MEI4: variants seen among roughly 807,000 people sequenced by gnomAD.
MEI4 encodes the protein meiotic double-stranded break formation protein 4.
A neutral mutation model predicts 31.4 loss-of-function variants in MEI4; 27 were observed. The observed-to-expected ratio is 0.86, with a 90% CI of 0.63 to 1.19. The LOEUF is 1.19. Ranked by LOEUF, MEI4 falls within the 50% of genes most tolerant of loss-of-function variation. The pLI is 0.00. For synonymous variants in MEI4, 122 were observed against 145.4 expected (o/e 0.84, Z 1.16); for missense variants, 329 against 398.9 (o/e 0.82, Z 1.49).
intron 4 of MEI4, among the ~76,000 whole-genome samples, chr6:77,839,851 T>C (rs1020079016): frequency 2.6e-5 from 4 of 152,202 alleles, no homozygotes; most frequent in African/African-American, 9.6e-5. Context: ...TAATTCTTAG[T>C]ATTTCTAGGA....
intron 3 of MEI4, among the ~76,000 whole-genome samples, chr6:77,805,122 G>A (rs1016873986): frequency 6.6e-6 from 1 of 152,046 alleles, no homozygotes; most frequent in South Asian, 2.1e-4. Flanking sequence ...TTATTTTATT[G>A]TAGAGAAAAA....
In MEI4 at chr6:77,710,398, T is replaced by G. The variant is rs187285464; in HGVS notation, c.232+19495T>G. 2.0e-5 allele frequency among the ~76,000 whole-genome samples: 3 copies of G among 151,828 alleles called. No homozygotes were observed. The East Asian group carries it at 5.9e-4, about 30-fold the overall frequency. ...TTAGCTGGGTGTGGTGGTGCGCACC[T>G]GTAGTCCCAGCTACTTGGGAGGCTG... On this transcript the variant is annotated intron_variant, in intron 2 of 4. Transcript: ENST00000684080.
At chr6:77,900,213 C>A (rs767316579) in intron 4 of MEI4, among the ~76,000 whole-genome samples, 10 of 151,864 alleles carry the variant, frequency 6.6e-5, no homozygotes, top group Admixed American at 1.3e-4. Context: ...ATTAGTACAT[C>A]CAAATTCATA....
chr6:77,746,638 CGTGTGTGTGTGTGTGTGTGTGTGT>C (rs5877568), intron 2 of MEI4, among the ~76,000 whole-genome samples: 9 of 136,544 alleles, frequency 6.6e-5, no homozygotes, highest in African/African-American at 1.0e-4. Context: ...AAATATATGG[CGTGTGTGTGTGTGTGTGTGTGTGT>C]GTGTGTGTGT....
intron 2 of MEI4, among the ~76,000 whole-genome samples, chr6:77,695,741 A>G (rs888472639): frequency 9.9e-5 from 15 of 152,180 alleles, no homozygotes; most frequent in African/African-American, 3.6e-4. Context: ...TGACTTGGCA[A>G]TGCGGGCTCT....
chr6:77,867,830 A>G (rs1228628373), intron 4 of MEI4, among the ~76,000 whole-genome samples: 1 of 152,220 alleles, frequency 6.6e-6, no homozygotes, highest in Non-Finnish European at 1.5e-5. Context: ...ATGTACAACA[A>G]TGATAGACTG....
At chr6:77,901,544 C>T (rs539905999) in intron 4 of MEI4, among the ~76,000 whole-genome samples, 21 of 152,146 alleles carry the variant, frequency 1.4e-4, no homozygotes, top group African/African-American at 5.1e-4. Flanking sequence ...GTCCTTTGCC[C>T]ATTTTTAATC....
At chr6:77,740,905 G>A (rs1215207281) in intron 2 of MEI4, among the ~76,000 whole-genome samples, 2 of 152,082 alleles carry the variant, frequency 1.3e-5, no homozygotes, top group African/African-American at 4.8e-5. Flanking sequence ...TAAACTCTGT[G>A]TCTACCCTGA....
intron 4 of MEI4, among the ~76,000 whole-genome samples, chr6:77,916,875 C>T (rs1019543403): frequency 1.9e-4 from 29 of 151,590 alleles, no homozygotes; most frequent in Admixed American, 1.1e-3. Flanking sequence ...CCCACTAACT[C>T]GTCATCTAGC....
chr6:77,917,771 AT>A (rs1462537835), intron 4 of MEI4, among the ~76,000 whole-genome samples: 1 of 151,016 alleles, frequency 6.6e-6, no homozygotes, highest in African/African-American at 2.5e-5. Flanking sequence ...CTTTAGTTTA[AT>A]GAGATACCAT....
intron 3 of MEI4, among the ~76,000 whole-genome samples, chr6:77,799,423 T>C (rs1336572859): frequency 6.6e-6 from 1 of 152,104 alleles, no homozygotes; most frequent in Non-Finnish European, 1.5e-5. Flanking sequence ...GTTGTGAAAA[T>C]TTTCTCCCAT....
chr6:77,909,841 A>G (rs1416800342), intron 4 of MEI4, among the ~76,000 whole-genome samples: 2 of 152,212 alleles, frequency 1.3e-5, no homozygotes, highest in African/African-American at 4.8e-5. Context: ...CCAGTAGTAC[A>G]TCAAAAAGCT....
intron 2 of MEI4, among the ~76,000 whole-genome samples, chr6:77,731,723 TAA>T (rs999208082): frequency 6.6e-6 from 1 of 151,498 alleles, no homozygotes; most frequent in Non-Finnish European, 1.5e-5. Context: ...TCCTGAATAG[TAA>T]TGCTTAGGTT....
At chr6:77,763,228 A>T (rs1391814781) in intron 3 of MEI4, among the ~76,000 whole-genome samples, 1 of 152,004 alleles carries the variant, frequency 6.6e-6, no homozygotes, top group Non-Finnish European at 1.5e-5. Flanking sequence ...CCTCAAGCAG[A>T]TGGACCAAGT....
At chr6:77,681,066 C>T (rs1422932201) in intron 1 of MEI4, among the ~76,000 whole-genome samples, 1 of 152,136 alleles carries the variant, frequency 6.6e-6, no homozygotes, top group African/African-American at 2.4e-5. Context: ...CTCTGTACCT[C>T]ATCATCTCCC....
In MEI4 at chr6:77,700,640, T is replaced by C. The variant is rs9443458; in HGVS notation, c.232+9737T>C. Among the ~76,000 whole-genome samples, 1,060 of 152,324 alleles carry C rather than the reference T, an allele frequency of 7.0e-3. 13 individuals are homozygous for C. The highest frequency in any genetic ancestry group is 0.024 in the African/African-American group (1,000 of 41,578). On this transcript the variant is annotated intron_variant, in intron 2 of 4. Transcript: ENST00000684080. ...CTGGCACTCCCTAGTGGGATGAACCTGGTACCTCAGATGGAAATGCAAAAA... is the reference window on the plus strand; with the variant it reads ...CTGGCACTCCCTAGTGGGATGAACCCGGTACCTCAGATGGAAATGCAAAAA...
intron 1 of MEI4, among the ~76,000 whole-genome samples, chr6:77,690,338 C>G (rs943712345): frequency 2.6e-5 from 4 of 151,926 alleles, no homozygotes; most frequent in African/African-American, 7.3e-5. Context: ...TTTGAAAGCT[C>G]CCTCAGAGAT....
intron 3 of MEI4, among the ~76,000 whole-genome samples, chr6:77,773,470 T>C (rs62418036): frequency 0.13 from 19,012 of 152,010 alleles, 1,385 homozygotes; most frequent in Middle Eastern, 0.21. Context: ...CTGGGAAAGC[T>C]GGATATCTAT....
rs544593791 is a variant in MEI4, at chr6:77,856,065, A to G, written c.900+27003A>G. ...TCTTGCCCTGGAAATCAGTTCGACA[A>G]TTTCCAGAATGCTCTATCAAAAACT... On this transcript the variant is annotated intron_variant, in intron 4 of 4. Coordinates refer to ENST00000684080, the MANE Select transcript of MEI4 (RefSeq NM_001322247.2). Among the ~76,000 whole-genome samples the G allele has an allele frequency of 3.9e-5, 6 of 152,206 alleles. No individual in the cohort carries two copies. In the South Asian group the frequency reaches 6.2e-4, roughly 16 times the overall value.
Sources: allele counts gnomAD v4.1 joint callset (sites outside exome capture counted in the v4.1 genomes callset), GRCh38; gene constraint gnomAD v4.1.1; transcripts MANE v1.5; gene names NCBI Gene and HGNC (gene_info 2026-07-23, HGNC 2026-07-21).